Variants in FHIT observed in about 807,000 individuals in gnomAD.
FHIT encodes the protein fragile histidine triad diadenosine triphosphatase.
In FHIT, 19 loss-of-function variants were observed where a neutral mutation model predicts 17.9. The observed-to-expected ratio is 1.06, with a 90% CI of 0.74 to 1.56. FHIT has a LOEUF of 1.56. FHIT is among the 40% of genes most tolerant of loss of function. The probability of loss-of-function intolerance (pLI) is 0.00; values close to 1 mark genes in which losing one functional copy is unlikely to be tolerated. For synonymous variants in FHIT, 81 were observed against 69.7 expected (o/e 1.16, Z -0.81); for missense variants, 248 against 189.2 (o/e 1.31, Z -1.82).
At chr3:60,806,617 C>T (rs1701398826) in intron 4 of FHIT, among the ~76,000 whole-genome samples, 1 of 152,224 alleles carries the variant, frequency 6.6e-6, no homozygotes, top group Non-Finnish European at 1.5e-5. Flanking sequence ...ATATCTTTCT[C>T]TTAAGATACT....
intron 8 of FHIT, among the ~76,000 whole-genome samples, chr3:59,789,408 T>C (rs1185176783): frequency 6.6e-6 from 1 of 152,220 alleles, no homozygotes; most frequent in Admixed American, 6.5e-5. Flanking sequence ...TTTAATCATT[T>C]AGTTGATTTA....
At chr3:60,463,692 C>T (rs1372589141) in intron 5 of FHIT, among the ~76,000 whole-genome samples, 1 of 152,140 alleles carries the variant, frequency 6.6e-6, no homozygotes, top group Non-Finnish European at 1.5e-5. Context: ...AGAGAAGTTG[C>T]CCAGAAAATA....
chr3:61,063,456 G>A (rs540154968), intron 2 of FHIT, among the ~76,000 whole-genome samples: 162 of 151,882 alleles, frequency 1.1e-3, no homozygotes, highest in Non-Finnish European at 2.0e-3. Flanking sequence ...CCTTCTACAG[G>A]CATAAAATTT....
chr3:60,495,548 T>C (rs2034266372), intron 5 of FHIT, among the ~76,000 whole-genome samples: 1 of 152,176 alleles, frequency 6.6e-6, no homozygotes, highest in Admixed American at 6.5e-5. Context: ...TTATTGACAT[T>C]GGAACTTGAT....
At chr3:60,381,814 CTG>C (rs1576572246) in intron 5 of FHIT, among the ~76,000 whole-genome samples, 2 of 65,216 alleles carry the variant, frequency 3.1e-5, no homozygotes, top group East Asian at 1.8e-3. Context: ...GATAATGGCT[CTG>C]TAACTCTGTA....
chr3:61,150,038 G>A (rs1360460178), intron 2 of FHIT, among the ~76,000 whole-genome samples: 5 of 152,114 alleles, frequency 3.3e-5, no homozygotes, highest in African/African-American at 9.7e-5. Context: ...CTAAGGCACT[G>A]CCCCTGTCCT....
At chr3:60,512,172 A>G (rs1180149365) in intron 5 of FHIT, among the ~76,000 whole-genome samples, 1 of 152,236 alleles carries the variant, frequency 6.6e-6, no homozygotes, top group Non-Finnish European at 1.5e-5. Flanking sequence ...AGACATGTCT[A>G]TTAATTCAAG....
At chr3:59,952,873 T>C (rs929684380) in intron 7 of FHIT, among the ~76,000 whole-genome samples, 44 of 152,206 alleles carry the variant, frequency 2.9e-4, no homozygotes, top group Admixed American at 5.9e-4. Context: ...GACAGCTGTG[T>C]GGGACGGCAG....
chr3:60,859,859 C>A (rs1260164262), intron 3 of FHIT, among the ~76,000 whole-genome samples: 2 of 146,600 alleles, frequency 1.4e-5, no homozygotes, highest in Admixed American at 7.0e-5. Flanking sequence ...GCCTGGCCAA[C>A]ATGGTGAAAC....
chr3:60,791,647 A>G (rs530763668), intron 4 of FHIT, among the ~76,000 whole-genome samples: 1 of 152,326 alleles, frequency 6.6e-6, no homozygotes, highest in Non-Finnish European at 1.5e-5. Context: ...AACAAAATGC[A>G]GAAACAATAT....
At chr3:60,561,962 G>C (rs528841572) in intron 4 of FHIT, among the ~76,000 whole-genome samples, 9 of 151,964 alleles carry the variant, frequency 5.9e-5, no homozygotes, top group African/African-American at 2.2e-4. Context: ...GAGAGAGAGA[G>C]AGAAAGATAA....
At chr3:60,869,064 C>T (rs1704283797) in intron 3 of FHIT, among the ~76,000 whole-genome samples, 1 of 152,134 alleles carries the variant, frequency 6.6e-6, no homozygotes, top group Admixed American at 6.6e-5. Context: ...AGATTGGTCT[C>T]TTACCTAAGG....
chr3:60,006,919 G>C (rs1699947857), intron 7 of FHIT, among the ~76,000 whole-genome samples: 1 of 152,024 alleles, frequency 6.6e-6, no homozygotes, highest in Admixed American at 6.6e-5. Flanking sequence ...TTTAATTTTT[G>C]AATTATACTT....
At chr3:60,737,295 G>T (rs1408987933) in intron 4 of FHIT, among the ~76,000 whole-genome samples, 4 of 152,230 alleles carry the variant, frequency 2.6e-5, no homozygotes, top group African/African-American at 9.6e-5. Flanking sequence ...AGAAAATGCA[G>T]AATGTAATTA....
intron 5 of FHIT, among the ~76,000 whole-genome samples, chr3:60,345,859 T>TAC (rs2106920223): frequency 6.6e-6 from 1 of 152,286 alleles, no homozygotes; most frequent in Non-Finnish European, 1.5e-5. Flanking sequence ...GTTACTAACA[T>TAC]ATTTGTATAT....
chr3:60,058,257 G>A (rs1026711791), intron 5 of FHIT, among the ~76,000 whole-genome samples: 1 of 143,602 alleles, frequency 7.0e-6, no homozygotes, highest in Non-Finnish European at 1.5e-5. Context: ...CAATTCTCCT[G>A]CCTCAGCCTC....
At chr3:60,211,075 A>G (rs2107515860) in intron 5 of FHIT, among the ~76,000 whole-genome samples, 1 of 151,004 alleles carries the variant, frequency 6.6e-6, no homozygotes, top group East Asian at 1.9e-4. Flanking sequence ...CCGTAAAAAA[A>G]AAAAAAAAAA....
intron 5 of FHIT, among the ~76,000 whole-genome samples, chr3:60,181,152 T>A (rs989482236): frequency 2.0e-4 from 30 of 148,762 alleles, no homozygotes; most frequent in Admixed American, 1.1e-3. Flanking sequence ...TTAATTTTTT[T>A]TTTTTTTTTT....
chr3:61,181,172 G>T (rs2038329005), intron 2 of FHIT, among the ~76,000 whole-genome samples: 1 of 152,110 alleles, frequency 6.6e-6, no homozygotes, highest in South Asian at 2.1e-4. Flanking sequence ...TTTGTCAACG[G>T]AAAGAAGAAT....
Sources: gnomAD v4.1 joint callset for allele counts (sites outside exome capture counted in the v4.1 genomes callset) on GRCh38, gnomAD v4.1.1 for gene constraint, MANE v1.5 for transcripts, NCBI Gene and HGNC (gene_info 2026-07-23, HGNC 2026-07-21) for gene names.